Variants in CTNNA2 observed in about 807,000 individuals in gnomAD.
CTNNA2 encodes the protein catenin alpha 2, also known as catenin alpha-2.
In CTNNA2, 42 loss-of-function variants were observed where a neutral mutation model predicts 101.0. The observed-to-expected ratio is 0.42, with a 90% CI of 0.32 to 0.54. The LOEUF is 0.54. CTNNA2 is among the 20% of genes least tolerant of loss of function. The pLI is 0.14. For missense variants in CTNNA2, 871 were observed against 1,223.1 expected, an observed-to-expected ratio of 0.71 and a Z score of 4.29; for synonymous variants, 450 against 456.4, an observed-to-expected ratio of 0.99 and a Z score of 0.18.
chr2:80,149,708 A>T (rs1326735886), intron 7 of CTNNA2, among the ~76,000 whole-genome samples: 1 of 151,070 alleles, frequency 6.6e-6, no homozygotes, highest in Non-Finnish European at 1.5e-5. Context: ...TTTCCAAGTC[A>T]TGTTGATTAG....
intron 4 of CTNNA2, among the ~76,000 whole-genome samples, chr2:79,467,027 G>T (rs969704967): frequency 2.0e-5 from 3 of 152,226 alleles, no homozygotes. Context: ...GCTGGACGGA[G>T]AATGACCTTT....
intron 1 of CTNNA2, among the ~76,000 whole-genome samples, chr2:79,640,168 A>T (rs1680355589): frequency 6.6e-6 from 1 of 152,128 alleles, no homozygotes; most frequent in Non-Finnish European, 1.5e-5. Flanking sequence ...ATTAGAATTG[A>T]CTTAAAGTCG....
intron 3 of CTNNA2, among the ~76,000 whole-genome samples, chr2:79,810,818 G>A (rs544915912): frequency 6.6e-6 from 1 of 151,896 alleles, no homozygotes; most frequent in Non-Finnish European, 1.5e-5. Context: ...GAGAATGATG[G>A]TTTCCAGCTT....
chr2:79,402,752 A>G (rs55755442), intron 4 of CTNNA2, among the ~76,000 whole-genome samples: 11,544 of 151,894 alleles, frequency 0.076, 473 homozygotes, highest in East Asian at 0.16. Context: ...ACAGGCCTCA[A>G]TAAAACTTTA....
Position 79,483,304 on chromosome 2 carries a change from C to T in CTNNA2, c.-134-21750C>T, listed in dbSNP as rs76191937. ...CCCTCGTCTATTGGTTAGTTATTAC[C>T]GCATAACAAATTACCTCAGAATTTA... On this transcript the variant is annotated intron_variant, in intron 4 of 21. Coordinates refer to the CTNNA2 transcript ENST00000466387. 6.7e-4 allele frequency among the ~76,000 whole-genome samples: 102 copies of T among 152,290 alleles called. 3 individuals carry two copies. The East Asian group carries it at 0.018, about 27-fold the overall frequency.
intron 2 of CTNNA2, among the ~76,000 whole-genome samples, chr2:79,307,299 T>C (rs1364086706): frequency 6.6e-6 from 1 of 151,792 alleles, no homozygotes; most frequent in African/African-American, 2.4e-5. Flanking sequence ...TTGTTATCTA[T>C]AGTCTTCCTA....
chr2:79,340,387 G>T (rs1390667367), intron 3 of CTNNA2, among the ~76,000 whole-genome samples: 1 of 152,098 alleles, frequency 6.6e-6, no homozygotes, highest in South Asian at 2.1e-4. Flanking sequence ...AGACAACAGA[G>T]GCTATTCCTC....
intron 7 of CTNNA2, among the ~76,000 whole-genome samples, chr2:80,069,404 G>A (rs1387369956): frequency 6.6e-6 from 1 of 152,126 alleles, no homozygotes; most frequent in Non-Finnish European, 1.5e-5. Flanking sequence ...TCTACCGCTT[G>A]TCAGCATGGT....
chr2:79,956,718 C>T (rs1209833442), intron 7 of CTNNA2, among the ~76,000 whole-genome samples: 1 of 152,048 alleles, frequency 6.6e-6, no homozygotes, highest in African/African-American at 2.4e-5. Flanking sequence ...CCCCTGGCCA[C>T]CTTAGTGGAT....
intron 7 of CTNNA2, among the ~76,000 whole-genome samples, chr2:80,279,545 T>C (rs1291708170): frequency 6.6e-6 from 1 of 152,150 alleles, no homozygotes; most frequent in Non-Finnish European, 1.5e-5. Flanking sequence ...ATACTATTTA[T>C]TTTTTTCGCT....
chr2:79,825,434 G>A (rs1342551046), intron 3 of CTNNA2, among the ~76,000 whole-genome samples: 1 of 152,010 alleles, frequency 6.6e-6, no homozygotes, highest in Non-Finnish European at 1.5e-5. Context: ...TAAATAAAGT[G>A]TGGTGTATAT....
chr2:79,423,820 C>T (rs1468184667), intron 4 of CTNNA2, among the ~76,000 whole-genome samples: 1 of 152,094 alleles, frequency 6.6e-6, no homozygotes, highest in Non-Finnish European at 1.5e-5. Flanking sequence ...GAATTCGTTG[C>T]CTCTTATGCG....
chr2:79,852,936 G>A (rs1447640783), intron 3 of CTNNA2, among the ~76,000 whole-genome samples: 4 of 146,858 alleles, frequency 2.7e-5, no homozygotes, highest in Admixed American at 2.0e-4. Context: ...GTGAAATCTC[G>A]GCTCACTGCA....
rs553331019 is a variant in CTNNA2 at position 80,096,657 on chromosome 2, C to A, written c.1056+186860C>A. Among the ~76,000 whole-genome samples the A allele has an allele frequency of 2.0e-5, 3 of 152,178 alleles. No individual in the cohort carries two copies. The South Asian group carries it at 6.2e-4, about 32-fold the overall frequency. On this transcript the variant is annotated intron_variant, in intron 7 of 18. Transcript: ENST00000402739. ...TGGGAGTCTAAGTCTCTTTGTAGGT[C>A]ACTAAGGACTTGCTTTATGAATCTG...
intron 13 of CTNNA2, among the ~76,000 whole-genome samples, chr2:80,580,437 CAAA>C (rs1247704769): frequency 6.6e-6 from 1 of 152,114 alleles, no homozygotes; most frequent in Admixed American, 6.6e-5. Flanking sequence ...TAAACTACAA[CAAA>C]AACTAATAAT....
At chr2:80,274,606 G>A (rs1451085510) in intron 7 of CTNNA2, among the ~76,000 whole-genome samples, 1 of 152,152 alleles carries the variant, frequency 6.6e-6, no homozygotes, top group Non-Finnish European at 1.5e-5. Flanking sequence ...TTATTGTCTA[G>A]CTTCTCAATT....
chr2:79,490,221 A>C (rs1671195308), intron 4 of CTNNA2, among the ~76,000 whole-genome samples: 2 of 152,222 alleles, frequency 1.3e-5, no homozygotes, highest in Non-Finnish European at 2.9e-5. Flanking sequence ...CTGTAGAATC[A>C]GAATATAAGC....
At chr2:79,629,731 T>C (rs1679561121) in intron 1 of CTNNA2, among the ~76,000 whole-genome samples, 1 of 152,152 alleles carries the variant, frequency 6.6e-6, no homozygotes, top group Non-Finnish European at 1.5e-5. Flanking sequence ...GAGGAAAGGA[T>C]GCTGAAGGGA....
chr2:79,645,127 T>C (rs892506737), intron 1 of CTNNA2, among the ~76,000 whole-genome samples: 1 of 151,812 alleles, frequency 6.6e-6, no homozygotes, highest in Admixed American at 6.6e-5. Flanking sequence ...GGACTACAGG[T>C]GCGTGCCACC....
Sources: gnomAD v4.1 joint callset for allele counts (sites outside exome capture counted in the v4.1 genomes callset) on GRCh38, gnomAD v4.1.1 for gene constraint, MANE v1.5 for transcripts, NCBI Gene and HGNC (gene_info 2026-07-23, HGNC 2026-07-21) for gene names.